The following TAB1 variants were observed in gnomAD, a reference collection of about 807,000 sequenced individuals.
TAB1 encodes TGF-beta-activated kinase 1 and MAP3K7-binding protein 1.
Under a neutral mutation model 54.5 loss-of-function variants are expected in TAB1, and 30 were observed. That is an observed-to-expected ratio of 0.55 (90% CI 0.41 to 0.75). TAB1 has a LOEUF of 0.75. TAB1 is among the 30% of genes least tolerant of loss of function. The pLI, the probability that TAB1 is intolerant of heterozygous loss-of-function variation, is 0.00. For synonymous variants in TAB1, 289 were observed against 286.9 expected, an observed-to-expected ratio of 1.01 and a Z score of -0.07; for missense variants, 609 against 683.2, an observed-to-expected ratio of 0.89 and a Z score of 1.21.
intron 8 of TAB1, among the ~76,000 whole-genome samples, chr22:39,423,434 G>A (rs909958169): frequency 2.6e-5 from 4 of 152,152 alleles, no homozygotes; most frequent in African/African-American, 9.7e-5. Flanking sequence ...GTGAAGCCCC[G>A]TCTCTACTAA....
At chr22:39,402,468 ATGCTGGGGCCACTTGGTAGATCACT>A (rs1475334034) in intron 1 of TAB1, among the ~76,000 whole-genome samples, 1 of 152,198 alleles carries the variant, frequency 6.6e-6, no homozygotes, top group Non-Finnish European at 1.5e-5. Flanking sequence ...TTGCAAGGGT[ATGCTGGGGCCACTTGGTAGATCACT>A]TGGTGGGAGC....
rs1311310407 is a variant in TAB1, at chr22:39,399,838, G to A, written c.33+3G>A. 1.3e-6 allele frequency: 2 copies of A among 1,596,866 alleles called. No individual in the cohort carries two copies. Among genetic ancestry groups the A allele is most frequent in the Non-Finnish European group, 1.7e-6 (2 of 1,172,176 alleles). Reference sequence around the variant, plus strand: ...AGAGGAGGAGCTTGCTGCAGAGTGTGAGGAACAGGCCCGCTCTCTGGGCTT... The same window carrying A: ...AGAGGAGGAGCTTGCTGCAGAGTGTAAGGAACAGGCCCGCTCTCTGGGCTT... On this transcript the variant is annotated splice_donor_region_variant and intron_variant, in intron 1 of 10. Coordinates refer to ENST00000216160, the MANE Select transcript of TAB1 (RefSeq NM_006116.3).
chr22:39,427,289 A>G (rs1036603335), intron 9 of TAB1, among the ~76,000 whole-genome samples: 7 of 152,224 alleles, frequency 4.6e-5, no homozygotes, highest in Non-Finnish European at 7.3e-5. Context: ...GCAACCCTAA[A>G]GACAGGTGGT....
At chr22:39,406,230 T>G (rs573232041) in intron 1 of TAB1, among the ~76,000 whole-genome samples, 8 of 152,008 alleles carry the variant, frequency 5.3e-5, no homozygotes, top group Non-Finnish European at 8.8e-5. Flanking sequence ...AAACCACGTC[T>G]CTACTAAAAA....
chr22:39,429,314 A>G, intron 10 of TAB1: 1 of 985,384 alleles, frequency 1.0e-6, no homozygotes, highest in Non-Finnish European at 1.2e-6. Context: ...CCTGCTGAGT[A>G]GGTCCTGGGT....
chr22:39,431,385 G>C lies in TAB1; in HGVS notation c.*1163G>C. 1 of 985,514 alleles carries C rather than the reference G, an allele frequency of 1.0e-6. No individual in the cohort carries two copies. The highest frequency in any genetic ancestry group is 1.7e-5 in the African/African-American group (1 of 57,346). 61.0% of individuals were successfully genotyped at this position (985,514 alleles called of 1,614,324 possible). On this transcript the variant is annotated 3_prime_UTR_variant, in exon 11 of 11. Transcript: ENST00000216160. Reference sequence around the variant, plus strand: ...GCACCTTGGCCAAGCCACACAATCAGTGGGGCAGCCAGAGCTCAGACCTGA... The same window carrying C: ...GCACCTTGGCCAAGCCACACAATCACTGGGGCAGCCAGAGCTCAGACCTGA...
At position 39,430,068 on chromosome 22, in the gene TAB1, G is replaced by A; in HGVS notation, c.1361G>A (p.Ser454Asn). 1 of 1,614,088 alleles carries A rather than the reference G, an allele frequency of 6.2e-7. No homozygotes were observed. The highest frequency in any genetic ancestry group is 8.5e-7 in the Non-Finnish European group (1 of 1,180,040). The change falls in exon 11 of 11, where the codon AGC becomes AAC. Residue 454 changes from serine (S) to asparagine (N), a missense_variant. Physicochemically the swap from Ser to Asn is conservative, Grantham distance 46 (BLOSUM62 1). Coordinates refer to ENST00000216160, the MANE Select transcript of TAB1 (RefSeq NM_006116.3). ...ACCAACACGCACACGCAGAGCAGCAGCTCCAGCTCTGACGGAGGCCTCTTC... is the reference window on the plus strand; with the variant it reads ...ACCAACACGCACACGCAGAGCAGCAACTCCAGCTCTGACGGAGGCCTCTTC... ...QSTNTHTQSS[S>N]SSSDGGLFRS...
Position 39,430,893 on chromosome 22 carries a change from A to G in TAB1, c.*671A>G, listed in dbSNP as rs529201727. 7.9e-5 allele frequency: 78 copies of G among 987,972 alleles called. 1 individual carries two copies. In the South Asian group the frequency reaches 3.4e-3, roughly 43 times the overall value. 61.2% of individuals were successfully genotyped at this position (987,972 alleles called of 1,614,324 possible). On this transcript the variant is annotated 3_prime_UTR_variant, in exon 11 of 11. Coordinates refer to ENST00000216160, the MANE Select transcript of TAB1 (RefSeq NM_006116.3). Reference sequence around the variant, plus strand: ...CTAAGAGACCTGGAACTGCCAGAGGATGGCGGCCTGGGCTTCCCCAGAGCC... The same window carrying G: ...CTAAGAGACCTGGAACTGCCAGAGGGTGGCGGCCTGGGCTTCCCCAGAGCC...
intron 1 of TAB1, among the ~76,000 whole-genome samples, chr22:39,405,367 C>G (rs554102462): frequency 6.6e-6 from 1 of 152,330 alleles, no homozygotes; most frequent in East Asian, 1.9e-4. Context: ...TCTTTTGAAA[C>G]AGGCTTCTTA....
In TAB1 at chr22:39,415,745, G is replaced by T. The variant is rs1008382756; in HGVS notation, c.324+92G>T. 1 of 1,487,500 alleles carries T rather than the reference G, an allele frequency of 6.7e-7. No homozygotes were observed. The allele number at this position is 1,487,500 out of a possible 1,614,324, so 92.1% of individuals were successfully genotyped here. On this transcript the variant is annotated intron_variant, in intron 3 of 10. Transcript: ENST00000216160. The surrounding 1 kb of genome is among the most constrained non-coding windows in gnomAD (Gnocchi z 4.9). ...CACCTCTAGCATGTTGCCAGGGTTGGTGTGAAGATCCTGCCGGCCCCTTCA... is the reference window on the plus strand; with the variant it reads ...CACCTCTAGCATGTTGCCAGGGTTGTTGTGAAGATCCTGCCGGCCCCTTCA...
chr22:39,413,639 G>A (rs757280813), intron 1 of TAB1, among the ~76,000 whole-genome samples: 8 of 151,998 alleles, frequency 5.3e-5, no homozygotes, highest in Non-Finnish European at 8.8e-5. Context: ...TGGCTAGGCC[G>A]GTCTCAAATT....
chr22:39,431,996 G>T, downstream of TAB1: 1 of 543,438 alleles, frequency 1.8e-6, no homozygotes, highest in Non-Finnish European at 2.3e-6. Context: ...CTAAGTGGCA[G>T]GGCTGGGATT....
intron 1 of TAB1, among the ~76,000 whole-genome samples, chr22:39,410,043 A>G (rs1662187568): frequency 6.6e-6 from 1 of 152,200 alleles, no homozygotes. Context: ...AGAGGCATTA[A>G]TTTTGCTTTA....
chr22:39,424,849 TG>T (rs1375457329), intron 8 of TAB1, among the ~76,000 whole-genome samples: 1 of 152,110 alleles, frequency 6.6e-6, no homozygotes, highest in African/African-American at 2.4e-5. Flanking sequence ...GTAGGGAATT[TG>T]GGGTCCACGG....
chr22:39,409,413 A>C (rs1388973590), intron 1 of TAB1, among the ~76,000 whole-genome samples: 2 of 152,220 alleles, frequency 1.3e-5, no homozygotes, highest in East Asian at 3.8e-4. Context: ...TACTTAATTC[A>C]CTGGTTATTA....
At chr22:39,421,773 A>G in intron 7 of TAB1, 54 bp from the exon 8 acceptor site, 1 of 1,599,942 alleles carries the variant, frequency 6.3e-7, no homozygotes, top group Non-Finnish European at 8.5e-7. Flanking sequence ...CAGAATCAGC[A>G]TCCACCTGCG....
chr22:39,431,632 G>A lies in TAB1; in HGVS notation c.*1410G>A, dbSNP rs559727105. 1.1e-5 allele frequency: 11 copies of A among 985,408 alleles called. No individual in the cohort carries two copies. The African/African-American group carries it at 1.9e-4, about 17-fold the overall frequency. 61.0% of individuals were successfully genotyped at this position (985,408 alleles called of 1,614,324 possible). The stretch of plus-strand genomic sequence containing the variant: ...GCCTGGTGTGGAACCAGGGAGCTGT[G>A]GGAAGCCACAGCAGAAATGGAAGAA... On this transcript the variant is annotated 3_prime_UTR_variant, in exon 11 of 11. Coordinates refer to ENST00000216160, the MANE Select transcript of TAB1 (RefSeq NM_006116.3).
chr22:39,425,382 C>CA (rs781717299), intron 8 of TAB1, among the ~76,000 whole-genome samples: 1,771 of 132,166 alleles, frequency 0.013, 24 homozygotes, highest in Non-Finnish European at 0.014. Context: ...GACTCTGTCT[C>CA]AAAAAAAAAA....
At chr22:39,436,426 A>C, downstream of TAB1, 1 of 1,391,676 alleles carries the variant, frequency 7.2e-7, no homozygotes, top group Non-Finnish European at 1.0e-6. Context: ...AAGATCACAC[A>C]GGAGCAAAGA....
Sources: gnomAD v4.1 joint callset for allele counts (sites outside exome capture counted in the v4.1 genomes callset) on GRCh38, gnomAD v4.1.1 for gene constraint, Gnocchi (gnomAD v3.1) non-coding constraint, MANE v1.5 for transcripts, NCBI Gene and HGNC (gene_info 2026-07-23, HGNC 2026-07-21) for gene names.